The following FAM222B variants were observed in gnomAD, a reference collection of about 807,000 sequenced individuals.
The protein encoded by FAM222B is family with sequence similarity 222 member B.
In FAM222B, 12 loss-of-function variants were observed where a neutral mutation model predicts 38.0. The ratio of observed to expected loss-of-function variants is 0.32; its 90% CI spans 0.20 to 0.51. The LOEUF (loss-of-function observed/expected upper bound fraction) is 0.51, where lower values mean the gene tolerates loss of function less well. Among genes scored for constraint, FAM222B ranks in the 20% least tolerant of loss-of-function variants. FAM222B has a pLI of 0.97. For synonymous variants in FAM222B, 329 were observed against 317.2 expected (o/e 1.04, Z -0.40); for missense variants, 716 against 754.2 (o/e 0.95, Z 0.59).
chr17:28,816,841 G>C (rs1161911803), intron 1 of FAM222B, among the ~76,000 whole-genome samples: 1 of 152,050 alleles, frequency 6.6e-6, no homozygotes, highest in Non-Finnish European at 1.5e-5. Context: ...TTTTTTTTAA[G>C]GGAATTCCTG....
At chr17:28,846,563 G>A (rs1352544852), upstream of FAM222B, among the ~76,000 whole-genome samples, 1 of 151,942 alleles carries the variant, frequency 6.6e-6, no homozygotes, top group African/African-American at 2.4e-5. Flanking sequence ...CAGCTACTTG[G>A]GAGGCTGAAG....
chr17:28,820,817 T>C (rs1452378422), intron 1 of FAM222B, among the ~76,000 whole-genome samples: 1 of 151,472 alleles, frequency 6.6e-6, no homozygotes, highest in Non-Finnish European at 1.5e-5. Flanking sequence ...AAAATATTTT[T>C]AGTAGAGATG....
At chr17:28,782,773 TG>T (rs2036218188) in intron 1 of FAM222B, among the ~76,000 whole-genome samples, 1 of 150,818 alleles carries the variant, frequency 6.6e-6, no homozygotes, top group Non-Finnish European at 1.5e-5. Flanking sequence ...GAGGCTGCAG[TG>T]GGAAGATCAC....
chr17:28,801,026 C>T (rs1180772097), intron 1 of FAM222B, among the ~76,000 whole-genome samples: 1 of 151,470 alleles, frequency 6.6e-6, no homozygotes, highest in South Asian at 2.1e-4. Flanking sequence ...GGCGTGGTGG[C>T]AGGCGCCTGT....
At chr17:28,789,205 T>C (rs111841734) in intron 1 of FAM222B, among the ~76,000 whole-genome samples, 3 of 151,374 alleles carry the variant, frequency 2.0e-5, no homozygotes, top group South Asian at 2.1e-4. Flanking sequence ...GTGTCCTTTT[T>C]TTTTTTTTTG....
chr17:28,822,833 ATATATATATATATATATATAT>A (rs1304092952), intron 1 of FAM222B, among the ~76,000 whole-genome samples: 1 of 40,998 alleles, frequency 2.4e-5, no homozygotes, highest in African/African-American at 1.4e-4. Flanking sequence ...AAAAAAAAAA[ATATATATATATATATATATAT>A]ATATATATAT....
intron 1 of FAM222B, among the ~76,000 whole-genome samples, chr17:28,814,812 C>T (rs1223684716): frequency 1.5e-5 from 2 of 134,028 alleles, no homozygotes; most frequent in Non-Finnish European, 3.1e-5. Flanking sequence ...CTCGATCTGT[C>T]ATCCAGGCTG....
At chr17:28,773,789 C>T (rs1172666600) in intron 1 of FAM222B, among the ~76,000 whole-genome samples, 2 of 151,402 alleles carry the variant, frequency 1.3e-5, no homozygotes, top group African/African-American at 4.9e-5. Context: ...CACAGCGAGC[C>T]TCTGTCTCAA....
At chr17:28,833,886 T>C (rs756079769) in intron 1 of FAM222B, among the ~76,000 whole-genome samples, 10 of 152,212 alleles carry the variant, frequency 6.6e-5, no homozygotes, top group Admixed American at 6.6e-5. Context: ...TGGAAGCCTA[T>C]TGGATTTCCC....
chr17:28,780,420 A>T (rs2036116374), intron 1 of FAM222B, among the ~76,000 whole-genome samples: 1 of 152,236 alleles, frequency 6.6e-6, no homozygotes, highest in Non-Finnish European at 1.5e-5. Context: ...TCAGTTAAGT[A>T]GTAGCATAAG....
At chr17:28,764,943 C>T (rs1304791299) in intron 2 of FAM222B, among the ~76,000 whole-genome samples, 4 of 152,212 alleles carry the variant, frequency 2.6e-5, no homozygotes, top group South Asian at 4.1e-4. Flanking sequence ...GTTCCCTCTC[C>T]AGTTGTGTCC....
chr17:28,798,538 G>A (rs1281883066), intron 1 of FAM222B, among the ~76,000 whole-genome samples: 1 of 152,038 alleles, frequency 6.6e-6, no homozygotes, highest in Non-Finnish European at 1.5e-5. Context: ...CAAGACAGCA[G>A]CACAGCTTTT....
intron 1 of FAM222B, among the ~76,000 whole-genome samples, chr17:28,853,941 CTTT>C (rs34393247): frequency 9.2e-5 from 11 of 119,974 alleles, no homozygotes; most frequent in Admixed American, 1.7e-4. Flanking sequence ...ATCTCTGTTT[CTTT>C]TTTTTTTTTT....
intron 1 of FAM222B, among the ~76,000 whole-genome samples, chr17:28,820,428 G>A (rs1172085605): frequency 6.6e-6 from 1 of 152,064 alleles, no homozygotes; most frequent in Non-Finnish European, 1.5e-5. Flanking sequence ...ACCTAATCCT[G>A]CATTAAAATG....
At chr17:28,764,331 A>T (rs2151775035) in intron 2 of FAM222B, among the ~76,000 whole-genome samples, 1 of 151,188 alleles carries the variant, frequency 6.6e-6, no homozygotes, top group East Asian at 1.9e-4. Context: ...TAATCCCACT[A>T]CTCAGGAGAC....
intron 1 of FAM222B, among the ~76,000 whole-genome samples, chr17:28,833,422 C>T (rs945372657): frequency 1.3e-5 from 2 of 151,036 alleles, no homozygotes; most frequent in South Asian, 2.1e-4. Flanking sequence ...TTCGAGACTA[C>T]CCTGGCCAAC....
At chr17:28,781,178 G>C (rs2036152240) in intron 1 of FAM222B, among the ~76,000 whole-genome samples, 1 of 151,868 alleles carries the variant, frequency 6.6e-6, no homozygotes, top group Non-Finnish European at 1.5e-5. Context: ...CACACCTGTA[G>C]TCCCAGCTAC....
At chr17:28,843,789 C>T (rs1042764972), upstream of FAM222B, among the ~76,000 whole-genome samples, 2 of 151,920 alleles carry the variant, frequency 1.3e-5, no homozygotes, top group African/African-American at 2.4e-5. Context: ...TAGAATGTAT[C>T]GGGGGTAATT....
chr17:28,807,449 G>C lies in FAM222B; in HGVS notation c.-41+35233C>G, dbSNP rs937580162. On this transcript the variant is annotated intron_variant, in intron 1 of 2. Coordinates refer to ENST00000581407, the MANE Select transcript of FAM222B (RefSeq NM_001077498.3). ...CACCCAGGCTGGAGTGCAGTCCAAC[G>C]ATCTCAGCTCACTGCAACCCCCACT... Among the ~76,000 whole-genome samples, 26 of 151,868 alleles carry C rather than the reference G, an allele frequency of 1.7e-4. 2 individuals are homozygous for C. In the East Asian group the frequency reaches 5.0e-3, roughly 29 times the overall value.
Sources: allele counts gnomAD v4.1 joint callset (sites outside exome capture counted in the v4.1 genomes callset), GRCh38; gene constraint gnomAD v4.1.1; transcripts MANE v1.5; gene names NCBI Gene and HGNC (gene_info 2026-07-23, HGNC 2026-07-21).